The following SYCP2L variants were observed in gnomAD, a reference collection of about 807,000 sequenced individuals.
The protein encoded by SYCP2L is synaptonemal complex protein 2 like, also known as synaptonemal complex protein 2-like.
A neutral mutation model predicts 125.8 loss-of-function variants in SYCP2L; 98 were observed. The ratio of observed to expected loss-of-function variants is 0.78; its 90% CI spans 0.66 to 0.92. The LOEUF is 0.92. Among genes scored for constraint, SYCP2L ranks in the 40% least tolerant of loss-of-function variants. The pLI is 0.00. For missense variants in SYCP2L, 842 were observed against 936.4 expected, an observed-to-expected ratio of 0.90 and a Z score of 1.32; for synonymous variants, 317 against 325.4, an observed-to-expected ratio of 0.97 and a Z score of 0.28.
At chr6:10,965,029 A>G (rs1781656185) in intron 29 of SYCP2L, among the ~76,000 whole-genome samples, 1 of 152,176 alleles carries the variant, frequency 6.6e-6, no homozygotes, top group South Asian at 2.1e-4. Context: ...ATTTTATACT[A>G]AGGGTTAGAG....
chr6:10,917,133 A>C (rs1780707341), intron 14 of SYCP2L, among the ~76,000 whole-genome samples: 1 of 152,126 alleles, frequency 6.6e-6, no homozygotes, highest in Admixed American at 6.5e-5. Flanking sequence ...TGTTGGATGG[A>C]ATGTTCTGTA....
At chr6:10,941,593 A>G (rs1387447230) in intron 21 of SYCP2L, among the ~76,000 whole-genome samples, 1 of 152,254 alleles carries the variant, frequency 6.6e-6, no homozygotes, top group Non-Finnish European at 1.5e-5. Context: ...TCAAAACCGC[A>G]ATGAGATACC....
chr6:10,919,196 G>A (rs1336493994), intron 14 of SYCP2L, among the ~76,000 whole-genome samples: 2 of 152,112 alleles, frequency 1.3e-5, no homozygotes, highest in Non-Finnish European at 2.9e-5. Flanking sequence ...TTTCTCATTT[G>A]GGTAGGCTCT....
At position 10,910,525 on chromosome 6, in the gene SYCP2L, C is replaced by T. The variant is rs777587044; in HGVS notation, c.873-299C>T. ...TTGAGGTTGCTGGAGGTAGTTGTAT[C>T]GTGAACAGTTAAGTCCTTGGTCAGA... On this transcript the variant is annotated intron_variant, in intron 11 of 29. Coordinates refer to ENST00000283141, the MANE Select transcript of SYCP2L (RefSeq NM_001040274.3). 5.3e-5 allele frequency among the ~76,000 whole-genome samples: 8 copies of T among 152,278 alleles called. No homozygotes were observed. The South Asian group carries it at 8.3e-4, about 16-fold the overall frequency.
intron 4 of SYCP2L, among the ~76,000 whole-genome samples, chr6:10,894,798 C>T (rs766601648): frequency 1.3e-5 from 2 of 152,158 alleles, no homozygotes; most frequent in African/African-American, 4.8e-5. Flanking sequence ...TGCAGTTCCG[C>T]TCTTTTAGTG....
chr6:10,929,570 A>G (rs1780955316), intron 18 of SYCP2L, among the ~76,000 whole-genome samples: 1 of 152,254 alleles, frequency 6.6e-6, no homozygotes, highest in Non-Finnish European at 1.5e-5. Context: ...CAGAAAGATT[A>G]AACTTGCCCT....
chr6:10,961,289 C>T lies in SYCP2L; in HGVS notation c.2256-16C>T, dbSNP rs1781588269. On this transcript the variant is annotated splice_polypyrimidine_tract_variant and intron_variant, in intron 26 of 29. Transcript: ENST00000283141. The stretch of plus-strand genomic sequence containing the variant: ...CAAGCGATCCCAATGATATTTACTG[C>T]TTTTATGTTTATTAGACTCAATAAA... 1.9e-6 allele frequency: 3 copies of T among 1,604,044 alleles called. No homozygotes were observed. Among genetic ancestry groups the T allele is most frequent in the Non-Finnish European group, 2.6e-6 (3 of 1,171,172 alleles).
chr6:10,952,016 G>C (rs1301350142), intron 23 of SYCP2L, among the ~76,000 whole-genome samples: 2 of 152,126 alleles, frequency 1.3e-5, no homozygotes, highest in Non-Finnish European at 2.9e-5. Context: ...GAGAGCAGGA[G>C]CACACCCCCT....
chr6:10,914,947 T>C (rs1780665730), intron 14 of SYCP2L, among the ~76,000 whole-genome samples: 1 of 152,244 alleles, frequency 6.6e-6, no homozygotes, highest in African/African-American at 2.4e-5. Flanking sequence ...GGTTTCACCA[T>C]GTTAGCCAGG....
intron 4 of SYCP2L, among the ~76,000 whole-genome samples, chr6:10,895,959 C>T (rs545658867): frequency 9.9e-5 from 15 of 152,230 alleles, no homozygotes; most frequent in African/African-American, 3.4e-4. Flanking sequence ...TCAAGACCAG[C>T]CTTGCCAACA....
chr6:10,936,645 A>G (rs756204505), intron 21 of SYCP2L, among the ~76,000 whole-genome samples: 6 of 152,216 alleles, frequency 3.9e-5, no homozygotes, highest in Non-Finnish European at 7.3e-5. Context: ...CAAAAGACAC[A>G]GAGTGGTTGA....
chr6:10,940,317 C>G (rs78584106), intron 21 of SYCP2L, among the ~76,000 whole-genome samples: 4,273 of 152,162 alleles, frequency 0.028, 207 homozygotes, highest in African/African-American at 0.095. Context: ...TCCATCAATC[C>G]CACTTCCATG....
intron 14 of SYCP2L, among the ~76,000 whole-genome samples, chr6:10,923,881 T>TC (rs1200531327): frequency 8.6e-5 from 13 of 151,622 alleles, no homozygotes; most frequent in Admixed American, 7.2e-4. Context: ...AGACAGGGTT[T>TC]CACCGTGTTA....
intron 6 of SYCP2L, 44 bp downstream of exon 6, chr6:10,898,892 A>G (rs1304251812): frequency 6.9e-6 from 8 of 1,161,832 alleles, no homozygotes; most frequent in Non-Finnish European, 1.0e-5. Context: ...ATTTTTCATT[A>G]ATAGAATATT....
intron 29 of SYCP2L, among the ~76,000 whole-genome samples, chr6:10,970,650 A>G (rs111628408): frequency 6.6e-6 from 1 of 152,168 alleles, no homozygotes; most frequent in Non-Finnish European, 1.5e-5. Context: ...AGATTGGGAA[A>G]GGTCCAGTTG....
chr6:10,968,782 A>G (rs1014795350), intron 29 of SYCP2L, among the ~76,000 whole-genome samples: 3 of 152,186 alleles, frequency 2.0e-5, no homozygotes, highest in Non-Finnish European at 4.4e-5. Context: ...ACTGTCTTTC[A>G]GCAGCTACTA....
At position 10,887,146 on chromosome 6, in the gene SYCP2L, C is replaced by A. The variant is rs750919929; in HGVS notation, c.9+11C>A. ...CTCGTTATGCAAGCGGTGAGTGACC[C>A]CCGAAGGGCCCGGACCTTCTGTCCA... On this transcript the variant is annotated intron_variant, in intron 1 of 29. Transcript: ENST00000283141. 1.9e-6 allele frequency: 3 copies of A among 1,614,068 alleles called. No individual in the cohort carries two copies. Among genetic ancestry groups the A allele is most frequent in the South Asian group, 1.1e-5 (1 of 91,078 alleles).
intron 20 of SYCP2L, among the ~76,000 whole-genome samples, chr6:10,934,610 G>T (rs1190282550): frequency 1.3e-5 from 2 of 152,226 alleles, no homozygotes; most frequent in African/African-American, 4.8e-5. Context: ...AACTCAGTAG[G>T]TGGAGGTTGC....
chr6:10,932,614 C>T (rs563998537), intron 20 of SYCP2L, among the ~76,000 whole-genome samples: 1 of 152,226 alleles, frequency 6.6e-6, no homozygotes, highest in East Asian at 1.9e-4. Flanking sequence ...GTGGGTTAAA[C>T]CTATGAGCCA....
Sources: gnomAD v4.1 joint callset for allele counts (sites outside exome capture counted in the v4.1 genomes callset) on GRCh38, gnomAD v4.1.1 for gene constraint, MANE v1.5 for transcripts, NCBI Gene and HGNC (gene_info 2026-07-23, HGNC 2026-07-21) for gene names.